The following TMX4 variants were observed in gnomAD, a reference collection of about 807,000 sequenced individuals.
The protein encoded by TMX4 is thioredoxin related transmembrane protein 4, also known as thioredoxin-related transmembrane protein 4.
TMX4 carries 23 observed loss-of-function variants against 33.3 expected under a neutral mutation model. The observed-to-expected ratio is 0.69, with a 90% CI of 0.50 to 0.98. The LOEUF (loss-of-function observed/expected upper bound fraction) is 0.98. TMX4 is among the 50% of genes least tolerant of loss of function. The pLI, the probability that TMX4 is intolerant of heterozygous loss-of-function variation, is 0.00. For synonymous variants in TMX4, 164 were observed against 161.5 expected, an observed-to-expected ratio of 1.02 and a Z score of -0.12; for missense variants, 399 against 448.9, an observed-to-expected ratio of 0.89 and a Z score of 1.01.
In TMX4 at chr20:8,006,634, C is replaced by T. The variant is rs563691031; in HGVS notation, c.292+3566G>A. 2.6e-5 allele frequency among the ~76,000 whole-genome samples: 4 copies of T among 152,262 alleles called. No homozygotes were observed. In the South Asian group the frequency reaches 8.3e-4, roughly 32 times the overall value. On this transcript the variant is annotated intron_variant, in intron 2 of 7. Transcript: ENST00000246024. ...GAGGCAAACTGCCCTGGAGGCTTGC[C>T]AGTGAGTTAGTATCACATTAAGACA...
chr20:7,998,922 CT>C (rs1360898639), intron 4 of TMX4, among the ~76,000 whole-genome samples: 3 of 152,192 alleles, frequency 2.0e-5, no homozygotes, highest in Non-Finnish European at 4.4e-5. Context: ...CTATGATTCT[CT>C]GTACCTGAGG....
intron 5 of TMX4, 132 bp downstream of exon 5, chr20:7,995,894 T>C (rs1600142979): frequency 8.5e-6 from 6 of 709,280 alleles, no homozygotes; most frequent in Middle Eastern, 4.1e-4. Context: ...CACATGAGAG[T>C]AGTTGCATGG....
Position 7,999,832 on chromosome 20 carries a change from G to T in TMX4, c.367C>A (p.Arg123Ser). The change falls in exon 4 of 8, where the codon CGT (arginine) becomes AGT (serine). Residue 123 changes from arginine to serine, a missense_variant. Transcript: ENST00000246024. ...AGGTCTTCGAAGATTCCTGGGCCAC[G>T]ATAACGGCGGAATATCCCATCCTTT... ...HAKDGIFRRY[R>S]GPGIFEDLQN... is the part of the protein sequence containing the mutation. 4 of 1,613,466 alleles carry T rather than the reference G, an allele frequency of 2.5e-6. No individual in the cohort carries two copies. Among genetic ancestry groups the T allele is most frequent in the Non-Finnish European group, 2.5e-6 (3 of 1,179,738 alleles).
chr20:8,019,195 G>C (rs1829208675), intron 1 of TMX4: 3 of 509,804 alleles, frequency 5.9e-6, no homozygotes. Context: ...TGCGCGGCGC[G>C]AGCGGCCGGG....
At chr20:8,009,861 T>TAAAAAAAA (rs11289988) in intron 2 of TMX4, among the ~76,000 whole-genome samples, 31 of 84,602 alleles carry the variant, frequency 3.7e-4, no homozygotes, top group East Asian at 9.0e-4. Flanking sequence ...CAAAAAACTG[T>TAAAAAAAA]AAAAAAAAAA....
chr20:7,982,400 GC>G lies in TMX4; in HGVS notation c.900del (p.Pro302GlnfsTer6), dbSNP rs1195755848. 2 of 1,613,892 alleles carry G rather than the reference GC, an allele frequency of 1.2e-6. No individual in the cohort carries two copies. Among genetic ancestry groups the G allele is most frequent in the African/African-American group, 2.7e-5 (2 of 74,848 alleles). On this transcript the variant is annotated frameshift_variant, in exon 8 of 8. Transcript: ENST00000246024. LOFTEE classifies it low-confidence loss of function (END_TRUNC). ...DEERSEANDQ[G>X]PPGEDGVTRE... Reference sequence around the variant, plus strand: ...CGGGTCACACCGTCCTCTCCTGGGGGCCCCTGATCATTGGCCTCACTTCTCT... The same window carrying G: ...CGGGTCACACCGTCCTCTCCTGGGGGCCCTGATCATTGGCCTCACTTCTCT...
intron 2 of TMX4, 93 bp from the exon 3 acceptor site, chr20:8,001,634 C>T: frequency 8.3e-7 from 1 of 1,207,638 alleles, no homozygotes; most frequent in Non-Finnish European, 1.2e-6. Flanking sequence ...ATTAAAATCA[C>T]TGCAATTGTT....
chr20:8,010,425 A>G (rs2050748251), intron 1 of TMX4, 110 bp from the exon 2 acceptor site: 1 of 653,346 alleles, frequency 1.5e-6, no homozygotes, highest in South Asian at 4.7e-5. Flanking sequence ...GGGAAATTAT[A>G]AAAGGAGGCT....
intron 6 of TMX4, among the ~76,000 whole-genome samples, chr20:7,986,893 T>C (rs554205952): frequency 9.9e-5 from 15 of 151,796 alleles, no homozygotes; most frequent in African/African-American, 3.4e-4. Flanking sequence ...ACAACAATCT[T>C]GCATCTACAC....
chr20:7,989,820 T>G (rs1458421613), intron 5 of TMX4, among the ~76,000 whole-genome samples: 8 of 152,218 alleles, frequency 5.3e-5, no homozygotes, highest in Non-Finnish European at 1.0e-4. Context: ...TTTAGATCAT[T>G]GTGTTTCTGT....
At chr20:8,015,237 G>A (rs1034457973) in intron 1 of TMX4, among the ~76,000 whole-genome samples, 10 of 152,220 alleles carry the variant, frequency 6.6e-5, no homozygotes, top group Middle Eastern at 3.4e-3. Context: ...TCAAACATTC[G>A]CATGTTTTTA....
At chr20:7,986,989 T>C (rs566457205) in intron 6 of TMX4, among the ~76,000 whole-genome samples, 1 of 151,724 alleles carries the variant, frequency 6.6e-6, no homozygotes, top group East Asian at 1.9e-4. Flanking sequence ...GACTCAGTTG[T>C]CTTAGAAACT....
intron 7 of TMX4, among the ~76,000 whole-genome samples, chr20:7,983,031 CAG>C (rs1157498639): frequency 6.6e-6 from 1 of 152,296 alleles, no homozygotes; most frequent in Admixed American, 6.5e-5. Context: ...GATTTTTAAA[CAG>C]AGAAAATGCG....
intron 5 of TMX4, among the ~76,000 whole-genome samples, chr20:7,993,291 T>C (rs1028810545): frequency 6.6e-6 from 1 of 152,250 alleles, no homozygotes; most frequent in Non-Finnish European, 1.5e-5. Context: ...TGTCTCACCA[T>C]GTACAGTTGT....
chr20:8,002,006 A>T (rs1025590442), intron 2 of TMX4, among the ~76,000 whole-genome samples: 1 of 152,196 alleles, frequency 6.6e-6, no homozygotes, highest in African/African-American at 2.4e-5. Context: ...GTATGATTAC[A>T]TCAGTTATCA....
chr20:8,013,036 G>GT lies in TMX4; in HGVS notation c.177-2722dup, dbSNP rs2050759078. Reference sequence around the variant, plus strand: ...AATATTCTTTTGTATCTAAAGAACAGTAATTTGTATAAGAATTTAGAAACT... The same window carrying GT: ...AATATTCTTTTGTATCTAAAGAACAGTTAATTTGTATAAGAATTTAGAAACT... On this transcript the variant is annotated intron_variant, in intron 1 of 7. Transcript: ENST00000246024. 3.3e-5 allele frequency among the ~76,000 whole-genome samples: 5 copies of GT among 152,162 alleles called. No homozygotes were observed. In the South Asian group the frequency reaches 1.0e-3, roughly 32 times the overall value.
intron 6 of TMX4, among the ~76,000 whole-genome samples, chr20:7,985,227 G>C (rs1042038092): frequency 6.8e-6 from 1 of 147,936 alleles, no homozygotes; most frequent in Admixed American, 6.8e-5. Context: ...AAGGCATTCT[G>C]TGTGTGTGTG....
At chr20:7,994,212 TATAA>T (rs2050666700) in intron 5 of TMX4, among the ~76,000 whole-genome samples, 1 of 152,124 alleles carries the variant, frequency 6.6e-6, no homozygotes, top group Non-Finnish European at 1.5e-5. Flanking sequence ...ATCTGGAAAT[TATAA>T]ATATACATTT....
rs74833181 is a variant in TMX4 at position 8,002,355 on chromosome 20, C to G, written c.293-814G>C. On this transcript the variant is annotated intron_variant, in intron 2 of 7. Coordinates refer to ENST00000246024, the MANE Select transcript of TMX4 (RefSeq NM_021156.4). ...ATAGTCTAGTAGCAGAAGGAAATAA[C>G]TTATTCAAATAATCACAATCACAAC... 5.4e-3 allele frequency among the ~76,000 whole-genome samples: 821 copies of G among 152,092 alleles called. 8 individuals carry two copies. Among genetic ancestry groups the G allele is most frequent in the Non-Finnish European group, 8.3e-3 (564 of 67,982 alleles).
Sources: gnomAD v4.1 joint callset for allele counts (sites outside exome capture counted in the v4.1 genomes callset) on GRCh38, gnomAD v4.1.1 for gene constraint, MANE v1.5 for transcripts, NCBI Gene and HGNC (gene_info 2026-07-23, HGNC 2026-07-21) for gene names.